RASGRP2: variants seen among roughly 807,000 people sequenced by gnomAD.
The protein encoded by RASGRP2 is RAS guanyl-releasing protein 2.
A neutral mutation model predicts 71.0 loss-of-function variants in RASGRP2; 44 were observed. The ratio of observed to expected loss-of-function variants is 0.62; its 90% CI spans 0.49 to 0.80. The LOEUF is 0.80. RASGRP2 is among the 30% of genes least tolerant of loss of function. The pLI, the probability that RASGRP2 is intolerant of heterozygous loss-of-function variation, is 0.00. For missense variants in RASGRP2, 663 were observed against 813.4 expected (o/e 0.82, Z 2.25); for synonymous variants, 350 against 330.7 (o/e 1.06, Z -0.63).
In RASGRP2 at chr11:64,743,102, C is replaced by T. The variant is rs1342280415; in HGVS notation, c.-71-165G>A. On this transcript the variant is annotated intron_variant, in intron 1 of 16. Transcript: ENST00000394432. The surrounding 1 kb of genome is among the most constrained non-coding windows in gnomAD (Gnocchi z 4.9). ...CGGTCTGGCCCGGGATGGTGCAACCCGCCAGTTGGGAAACGGACCCGCAGA... is the reference window on the plus strand; with the variant it reads ...CGGTCTGGCCCGGGATGGTGCAACCTGCCAGTTGGGAAACGGACCCGCAGA... The T allele has an allele frequency of 1.5e-5, 12 of 800,196 alleles. No individual in the cohort carries two copies. Among genetic ancestry groups the T allele is most frequent in the South Asian group, 2.9e-5 (2 of 68,968 alleles). 49.6% of individuals were successfully genotyped at this position (800,196 alleles called of 1,614,324 possible). A position where few individuals can be genotyped will look rare whatever the true frequency, so the allele number is the denominator to read the frequency against.
chr11:64,742,626 A>G lies in RASGRP2; in HGVS notation c.73+168T>C. On this transcript the variant is annotated intron_variant, in intron 2 of 16. Transcript: ENST00000394432. The surrounding 1 kb of genome is among the most constrained non-coding windows in gnomAD (Gnocchi z 4.7). ...AACCTCATCTGTCTGAAGGGCGTGC[A>G]TCTCTCTGCCCTGCGTTGCGGAGGA... 3.4e-6 allele frequency: 3 copies of G among 887,728 alleles called. No homozygotes were observed. The highest frequency in any genetic ancestry group is 5.3e-6 in the Non-Finnish European group (3 of 565,188). The allele number at this position is 887,728 out of a possible 1,614,324, so 55.0% of individuals were successfully genotyped here.
At chr11:64,740,707 G>A (rs376633260) in intron 5 of RASGRP2, 339 of 663,544 alleles carry the variant, frequency 5.1e-4, no homozygotes, top group Admixed American at 1.2e-3. Context: ...CTCAGCCGAC[G>A]GGGAGCCGAC....
At position 64,740,805 on chromosome 11, in the gene RASGRP2, T is replaced by C; in HGVS notation, c.371+143A>G. On this transcript the variant is annotated intron_variant, in intron 5 of 16. Coordinates refer to ENST00000394432, the MANE Select transcript of RASGRP2 (RefSeq NM_001098671.2). ...CGCCAAGCTGCCCAGAGGAGGCATG[T>C]TGAAGGCAATAGGGAGCCATGGAAG... 3 of 1,104,400 alleles carry C rather than the reference T, an allele frequency of 2.7e-6. No individual in the cohort carries two copies. In the Admixed American group the frequency reaches 5.5e-5, roughly 20 times the overall value. The allele number at this position is 1,104,400 out of a possible 1,614,324, so 68.4% of individuals were successfully genotyped here.
chr11:64,727,373 G>T lies in RASGRP2; in HGVS notation c.1772-13C>A. Reference sequence around the variant, plus strand: ...TCCTCACGGATCTCTGCTGGGAGGGGGATTGCTGCAGAACACACTTCCAGG... The same window carrying T: ...TCCTCACGGATCTCTGCTGGGAGGGTGATTGCTGCAGAACACACTTCCAGG... On this transcript the variant is annotated splice_polypyrimidine_tract_variant and intron_variant, in intron 15 of 16. Coordinates refer to ENST00000394432, the MANE Select transcript of RASGRP2 (RefSeq NM_001098671.2). 6.2e-7 allele frequency: 1 copy of T among 1,613,590 alleles called. No homozygotes were observed. The highest frequency in any genetic ancestry group is 8.5e-7 in the Non-Finnish European group (1 of 1,179,712).
chr11:64,739,568 G>A lies in RASGRP2; in HGVS notation c.696+68C>T. 1 of 1,611,556 alleles carries A rather than the reference G, an allele frequency of 6.2e-7. No individual in the cohort carries two copies. Among genetic ancestry groups the A allele is most frequent in the Non-Finnish European group, 8.5e-7 (1 of 1,177,864 alleles). On this transcript the variant is annotated intron_variant, in intron 7 of 16. Transcript: ENST00000394432. The surrounding 1 kb of genome is among the most constrained non-coding windows in gnomAD (Gnocchi z 4.2). ...TCTAGAGAGAAGGCAGTGGGTTAGG[G>A]GAAGGGAAGGGTTGGCCTGACTGGC... is the stretch of plus-strand genomic sequence containing the variant.
chr11:64,727,251 C>T (rs551781055), intron 16 of RASGRP2, 45 bp downstream of exon 16: 2 of 1,551,250 alleles, frequency 1.3e-6, no homozygotes, highest in South Asian at 1.1e-5. Flanking sequence ...AGCTCCCCCC[C>T]AGCCCTCAGT....
Position 64,739,684 on chromosome 11 carries a change from T to G in RASGRP2, c.648A>C (p.Thr216=). ...TGATGACCAGGGCCCGCTGCGGGGC[T>G]GTGGGTTTGCTGAGGATCATGAGCT... ...WVQLMILSKP[T]APQRALVITH... The change falls in exon 7 of 17, where the codon ACA becomes ACC. Residue 216 remains threonine (T), a synonymous_variant. Coordinates refer to ENST00000394432, the MANE Select transcript of RASGRP2 (RefSeq NM_001098671.2). This position sits in a 1 kb window ranked among gnomAD's most constrained non-coding sequence, Gnocchi z 4.2. The G allele has an allele frequency of 6.2e-7, 1 of 1,613,972 alleles. No individual in the cohort carries two copies. The highest frequency in any genetic ancestry group is 8.5e-7 in the Non-Finnish European group (1 of 1,179,952).
In RASGRP2 at chr11:64,741,008, T is replaced by A. The variant is rs1410849917; in HGVS notation, c.311A>T (p.Lys104Met). ...PELAEQIKELKALLDQEGNRR... is the reference protein window; with the variant it reads ...PELAEQIKELMALLDQEGNRR... ...GTTCCCTTCTTGGTCTAGCAGAGCC[T>A]TCAGCTCCTTGATCTGCTCAGCCAA... The change falls in exon 5 of 17, where the codon AAG becomes ATG. Residue 104 changes from lysine to methionine, a missense_variant. By Grantham distance (95) the Lys-to-Met change is moderately conservative. Transcript: ENST00000394432. 1.9e-6 allele frequency: 3 copies of A among 1,613,820 alleles called. No individual in the cohort carries two copies. The Admixed American group carries it at 5.0e-5, about 27-fold the overall frequency.
At chr11:64,736,224 G>A (rs2057934512) in intron 9 of RASGRP2, among the ~76,000 whole-genome samples, 1 of 152,156 alleles carries the variant, frequency 6.6e-6, no homozygotes, top group Non-Finnish European at 1.5e-5. Flanking sequence ...AAGAAGCCAG[G>A]TCGGAACCCA....
intron 14 of RASGRP2, among the ~76,000 whole-genome samples, 169 bp downstream of exon 14, chr11:64,729,593 T>TC (rs1165939430): frequency 6.6e-6 from 1 of 152,114 alleles, no homozygotes; most frequent in Non-Finnish European, 1.5e-5. Context: ...CGCCTCGGCC[T>TC]CCCAAAGTGC....
At chr11:64,734,514 T>C (rs2057868043) in intron 12 of RASGRP2, among the ~76,000 whole-genome samples, 1 of 152,056 alleles carries the variant, frequency 6.6e-6, no homozygotes, top group Admixed American at 6.6e-5. Flanking sequence ...TAGATTTTAT[T>C]TTACCGTGGA....
At chr11:64,740,268 C>T (rs779120243) in intron 5 of RASGRP2, 105 bp from the exon 6 acceptor site, 7 of 1,441,202 alleles carry the variant, frequency 4.9e-6, no homozygotes, top group African/African-American at 1.4e-5. Flanking sequence ...CTACATAATG[C>T]GAGGCACTGT....
chr11:64,733,966 C>T (rs1287079775), intron 12 of RASGRP2, among the ~76,000 whole-genome samples: 5 of 151,400 alleles, frequency 3.3e-5, no homozygotes, highest in Non-Finnish European at 7.4e-5. Flanking sequence ...TTCCTCCTGC[C>T]TCAGCCTCCT....
At chr11:64,736,683 C>A in intron 9 of RASGRP2, 70 bp downstream of exon 9, 2 of 1,508,716 alleles carry the variant, frequency 1.3e-6, no homozygotes, top group Non-Finnish European at 1.8e-6. Flanking sequence ...GCCACGCCCA[C>A]AGCCAGGACC....
chr11:64,737,051 G>T lies in RASGRP2; in HGVS notation c.814-17C>A, dbSNP rs755032861. On this transcript the variant is annotated splice_polypyrimidine_tract_variant and intron_variant, in intron 8 of 16. Coordinates refer to ENST00000394432, the MANE Select transcript of RASGRP2 (RefSeq NM_001098671.2). ...CTCCCAGAGCTGGGGACAAAGGACAGAGGAGTCATACCCCCACAACTATCC... is the reference window on the plus strand; with the variant it reads ...CTCCCAGAGCTGGGGACAAAGGACATAGGAGTCATACCCCCACAACTATCC... 1.2e-5 allele frequency: 20 copies of T among 1,613,350 alleles called. No homozygotes were observed. The highest frequency in any genetic ancestry group is 1.7e-5 in the Non-Finnish European group (20 of 1,179,876).
In RASGRP2 at chr11:64,741,498, G is replaced by A. The variant is rs2135792620; in HGVS notation, c.180C>T (p.Tyr60=). Residue 60 remains tyrosine, a synonymous_variant, in exon 4 of 17, where the codon TAC becomes TAT. Transcript: ENST00000394432. The part of the protein sequence containing the change: ...SQLAAKLLHI[Y]QQSRKDNSNS... ...TGGAGTTGTCCTTCCGGGATTGTTG[G>A]TAGGTGAAGGAGAGGGTTAAGGAGG... 1.3e-6 allele frequency: 2 copies of A among 1,579,034 alleles called. No homozygotes were observed. Among genetic ancestry groups the A allele is most frequent in the Non-Finnish European group, 1.7e-6 (2 of 1,160,630 alleles).
At position 64,739,060 on chromosome 11, in the gene RASGRP2, C is replaced by T. The variant is rs1056380700; in HGVS notation, c.813+300G>A. On this transcript the variant is annotated intron_variant, in intron 8 of 16. Coordinates refer to ENST00000394432, the MANE Select transcript of RASGRP2 (RefSeq NM_001098671.2). The surrounding 1 kb of genome is among the most constrained non-coding windows in gnomAD (Gnocchi z 4.2). ...GGCTGAGGTGGGAGGATCGATTGAG[C>T]TCAGGAGTTCAAGGCTGCAGTGAGC... Among the ~76,000 whole-genome samples, 2 of 151,626 alleles carry T rather than the reference C, an allele frequency of 1.3e-5. No individual in the cohort carries two copies. Among genetic ancestry groups the T allele is most frequent in the Non-Finnish European group, 2.9e-5 (2 of 67,960 alleles).
intron 16 of RASGRP2, 25 bp downstream of exon 16, chr11:64,727,271 T>G (rs377037439): frequency 6.2e-7 from 1 of 1,609,204 alleles, no homozygotes; most frequent in Middle Eastern, 1.7e-4. Flanking sequence ...TGGGGAGCTC[T>G]GGTGCCAGCT....
intron 15 of RASGRP2, among the ~76,000 whole-genome samples, chr11:64,727,908 A>C (rs1029929453): frequency 2.6e-5 from 4 of 152,060 alleles, no homozygotes; most frequent in African/African-American, 9.7e-5. Flanking sequence ...CTTAAATGTC[A>C]ATTTTGTGTG....
Sources: gnomAD v4.1 joint callset for allele counts (sites outside exome capture counted in the v4.1 genomes callset) on GRCh38, gnomAD v4.1.1 for gene constraint, Gnocchi (gnomAD v3.1) non-coding constraint, MANE v1.5 for transcripts, NCBI Gene and HGNC (gene_info 2026-07-23, HGNC 2026-07-21) for gene names.